Variants in C2orf76 observed in about 807,000 individuals in gnomAD.
C2orf76 encodes the protein UPF0538 protein C2orf76.
C2orf76 carries 23 observed loss-of-function variants against 16.9 expected under a neutral mutation model. The observed-to-expected ratio is 1.36, with a 90% CI of 0.98 to 1.93. The LOEUF (loss-of-function observed/expected upper bound fraction) is 1.93, where lower values mean the gene tolerates loss of function less well. Ranked by LOEUF, C2orf76 falls within the 30% of genes most tolerant of loss-of-function variation. The probability of loss-of-function intolerance (pLI) is 0.00; values close to 1 mark genes in which losing one functional copy is unlikely to be tolerated. For missense variants in C2orf76, 152 were observed against 152.6 expected, an observed-to-expected ratio of 1.00 and a Z score of 0.02; for synonymous variants, 48 against 52.3, an observed-to-expected ratio of 0.92 and a Z score of 0.35.
the C2orf76 span, among the ~76,000 whole-genome samples, chr2:119,286,768 TGTCTCTGCG>T: frequency 1.3e-5 from 2 of 151,220 alleles, no homozygotes; most frequent in Admixed American, 6.6e-5. Context: ...GACGGGAGAG[TGTCTCTGCG>T]GTCAGGATGA....
At chr2:119,364,120 G>A (rs1036762371) in intron 1 of C2orf76, among the ~76,000 whole-genome samples, 1 of 152,028 alleles carries the variant, frequency 6.6e-6, no homozygotes, top group African/African-American at 2.4e-5. Context: ...AGGGAGAGGA[G>A]AGAGGAGAGA....
the C2orf76 span, among the ~76,000 whole-genome samples, chr2:119,284,694 T>C: frequency 2.6e-5 from 4 of 151,692 alleles, no homozygotes; most frequent in Admixed American, 2.0e-4. Flanking sequence ...TTTTTTTTTT[T>C]TGCAACCTAA....
At chr2:119,312,169 C>G (rs1679013634) in intron 4 of C2orf76, among the ~76,000 whole-genome samples, 1 of 152,208 alleles carries the variant, frequency 6.6e-6, no homozygotes, top group Non-Finnish European at 1.5e-5. Context: ...CATCTTCTGC[C>G]ATCCTCACCT....
chr2:119,323,425 G>GT (rs1376259367), intron 2 of C2orf76, among the ~76,000 whole-genome samples: 1 of 152,046 alleles, frequency 6.6e-6, no homozygotes, highest in East Asian at 1.9e-4. Flanking sequence ...CTACTACCAG[G>GT]TATTCCAGGA....
At chr2:119,349,964 A>G (rs537681806) in intron 1 of C2orf76, among the ~76,000 whole-genome samples, 6 of 141,976 alleles carry the variant, frequency 4.2e-5, no homozygotes, top group Admixed American at 2.1e-4. Flanking sequence ...GCTAGGGTCT[A>G]TGTTGTCCAG....
intron 2 of C2orf76, among the ~76,000 whole-genome samples, chr2:119,322,691 TAAAAG>T (rs1209972890): frequency 3.3e-5 from 5 of 152,076 alleles, no homozygotes; most frequent in South Asian, 2.1e-4. Flanking sequence ...TTTCAACTGT[TAAAAG>T]AAAAAGAAGG....
the C2orf76 span, among the ~76,000 whole-genome samples, chr2:119,283,321 C>T: frequency 6.6e-6 from 1 of 152,172 alleles, no homozygotes; most frequent in African/African-American, 2.4e-5. Flanking sequence ...CAGTGCTGCA[C>T]CCCCTCTGCC....
the C2orf76 span, among the ~76,000 whole-genome samples, chr2:119,286,999 C>T: frequency 2.0e-5 from 3 of 152,288 alleles, no homozygotes; most frequent in Admixed American, 6.5e-5. Context: ...CTTTCACCTG[C>T]GAAGTCCCTC....
chr2:119,336,630 C>T (rs998267991), intron 2 of C2orf76, among the ~76,000 whole-genome samples: 70 of 150,956 alleles, frequency 4.6e-4, no homozygotes, highest in African/African-American at 1.1e-3. Context: ...AACATGACTA[C>T]GAAAGAAAAG....
chr2:119,289,837 AGTT>A, the C2orf76 span, among the ~76,000 whole-genome samples: 21 of 152,032 alleles, frequency 1.4e-4, no homozygotes, highest in Non-Finnish European at 2.1e-4. Flanking sequence ...TGCCGGTAGT[AGTT>A]CTCTGCTGTC....
downstream of C2orf76, among the ~76,000 whole-genome samples, chr2:119,297,287 C>A (rs148870664): frequency 7.2e-5 from 11 of 152,138 alleles, no homozygotes; most frequent in African/African-American, 2.7e-4. Flanking sequence ...GTGTCTGACA[C>A]ACAATGGTGA....
chr2:119,360,253 G>C (rs1680701969), intron 1 of C2orf76, among the ~76,000 whole-genome samples: 1 of 152,168 alleles, frequency 6.6e-6, no homozygotes, highest in Admixed American at 6.5e-5. Context: ...GGCCGAGGCA[G>C]GTGATCACCT....
At chr2:119,352,123 G>A (rs1261944175) in intron 1 of C2orf76, among the ~76,000 whole-genome samples, 1 of 150,894 alleles carries the variant, frequency 6.6e-6, no homozygotes, top group Non-Finnish European at 1.5e-5. Flanking sequence ...ATAACCACTT[G>A]CGCACTGACT....
At chr2:119,292,905 T>C in the C2orf76 span, among the ~76,000 whole-genome samples, 1 of 150,632 alleles carries the variant, frequency 6.6e-6, no homozygotes, top group African/African-American at 2.4e-5. Flanking sequence ...TGTGGTGGCA[T>C]GCGCCTGTAG....
chr2:119,285,694 G>A, the C2orf76 span, among the ~76,000 whole-genome samples: 1 of 152,220 alleles, frequency 6.6e-6, no homozygotes, highest in Non-Finnish European at 1.5e-5. Flanking sequence ...TTTGGGCAGA[G>A]GCTGAGTTAC....
At chr2:119,365,715 G>T (rs764144838) in intron 1 of C2orf76, among the ~76,000 whole-genome samples, 1 of 152,166 alleles carries the variant, frequency 6.6e-6, no homozygotes, top group Admixed American at 6.5e-5. Flanking sequence ...CACTGCCAGA[G>T]AAGTCTTCCT....
chr2:119,363,568 A>G (rs1680823265), intron 1 of C2orf76, among the ~76,000 whole-genome samples: 1 of 152,214 alleles, frequency 6.6e-6, no homozygotes. Context: ...CTCGCCTTAT[A>G]GTAACTCTAG....
At chr2:119,297,722 T>C (rs1678561380), downstream of C2orf76, among the ~76,000 whole-genome samples, 1 of 152,150 alleles carries the variant, frequency 6.6e-6, no homozygotes, top group Admixed American at 6.5e-5. Context: ...GGACTCAAAC[T>C]CGTGAGCTCA....
At chr2:119,292,698 G>A in the C2orf76 span, among the ~76,000 whole-genome samples, 1 of 152,242 alleles carries the variant, frequency 6.6e-6, no homozygotes, top group African/African-American at 2.4e-5. Context: ...ACATTGCTAT[G>A]GGATGAGCTT....
Sources: gnomAD v4.1 joint callset for allele counts (sites outside exome capture counted in the v4.1 genomes callset) on GRCh38, gnomAD v4.1.1 for gene constraint, MANE v1.5 for transcripts, NCBI Gene and HGNC (gene_info 2026-07-23, HGNC 2026-07-21) for gene names.